The following TMEM117 variants were observed in gnomAD, a reference collection of about 807,000 sequenced individuals.
The protein encoded by TMEM117 is transmembrane protein 117.
A neutral mutation model predicts 52.4 loss-of-function variants in TMEM117; 27 were observed. The ratio of observed to expected loss-of-function variants is 0.51; its 90% CI spans 0.38 to 0.71. TMEM117 has a LOEUF of 0.71. Among genes scored for constraint, TMEM117 ranks in the 30% least tolerant of loss-of-function variants. The pLI, the probability that TMEM117 is intolerant of heterozygous loss-of-function variation, is 0.00. For synonymous variants in TMEM117, 215 were observed against 206.3 expected, an observed-to-expected ratio of 1.04 and a Z score of -0.36; for missense variants, 556 against 630.5, an observed-to-expected ratio of 0.88 and a Z score of 1.26.
At chr12:44,003,649 C>G (rs1592431233) in intron 3 of TMEM117, among the ~76,000 whole-genome samples, 1 of 152,310 alleles carries the variant, frequency 6.6e-6, no homozygotes, top group East Asian at 1.9e-4. Flanking sequence ...GTCCATTTCT[C>G]TAGTCCCTGA....
the TMEM117 span, among the ~76,000 whole-genome samples, chr12:43,822,637 CTA>C: frequency 6.6e-6 from 1 of 152,176 alleles, no homozygotes; most frequent in Admixed American, 6.5e-5. Flanking sequence ...TTACCTGTCT[CTA>C]TTATTTTTCT....
chr12:44,371,155 C>T (rs779953928), intron 6 of TMEM117, among the ~76,000 whole-genome samples: 1 of 152,276 alleles, frequency 6.6e-6, no homozygotes, highest in South Asian at 2.1e-4. Flanking sequence ...TGCTCACTGT[C>T]ATCTGAAATT....
intron 2 of TMEM117, among the ~76,000 whole-genome samples, chr12:43,901,274 A>G (rs1160495911): frequency 2.0e-5 from 3 of 151,992 alleles, no homozygotes; most frequent in Non-Finnish European, 4.4e-5. Flanking sequence ...TTTCAACAAT[A>G]GATCATTCAT....
At chr12:44,000,092 C>G in intron 3 of TMEM117, among the ~76,000 whole-genome samples, 1 of 152,164 alleles carries the variant, frequency 6.6e-6, no homozygotes, top group East Asian at 1.9e-4. Flanking sequence ...ATTTGCTATG[C>G]AGGATTTCCT....
chr12:43,936,456 C>T (rs1275975112), intron 2 of TMEM117, among the ~76,000 whole-genome samples: 4 of 151,968 alleles, frequency 2.6e-5, no homozygotes, highest in Non-Finnish European at 5.9e-5. Flanking sequence ...AGCTGACTTC[C>T]AGTGTGAAGC....
chr12:44,385,119 A>G (rs1952071638), intron 7 of TMEM117, among the ~76,000 whole-genome samples: 3 of 152,180 alleles, frequency 2.0e-5, no homozygotes, highest in Non-Finnish European at 4.4e-5. Context: ...ATATGCTTTA[A>G]GTTCAGTGTT....
chr12:44,189,964 A>C (rs1464018080), intron 4 of TMEM117, among the ~76,000 whole-genome samples: 2 of 152,228 alleles, frequency 1.3e-5, no homozygotes, highest in African/African-American at 4.8e-5. Flanking sequence ...CAGAAGGTTC[A>C]CAGGCCTATG....
At chr12:43,924,742 A>G (rs764820155) in intron 2 of TMEM117, among the ~76,000 whole-genome samples, 50 of 152,284 alleles carry the variant, frequency 3.3e-4, no homozygotes, top group Admixed American at 8.5e-4. Context: ...ATTCATTTTC[A>G]GAATAATTAT....
intron 3 of TMEM117, among the ~76,000 whole-genome samples, chr12:44,069,846 A>G (rs1947274788): frequency 6.6e-6 from 1 of 152,188 alleles, no homozygotes; most frequent in East Asian, 1.9e-4. Context: ...CAGCCTTTCC[A>G]TGATGAAATC....
chr12:43,919,263 C>T (rs1944654111), intron 2 of TMEM117, among the ~76,000 whole-genome samples: 1 of 152,206 alleles, frequency 6.6e-6, no homozygotes, highest in Non-Finnish European at 1.5e-5. Context: ...AGTTGTTTAA[C>T]TGGAACTTTA....
chr12:44,383,585 G>T (rs2138866457), intron 7 of TMEM117, among the ~76,000 whole-genome samples: 1 of 152,248 alleles, frequency 6.6e-6, no homozygotes, highest in East Asian at 1.9e-4. Context: ...AGAATGTATG[G>T]ATTCTTACCC....
intron 6 of TMEM117, among the ~76,000 whole-genome samples, chr12:44,356,923 C>T (rs1233684604): frequency 6.6e-6 from 1 of 152,064 alleles, no homozygotes; most frequent in Non-Finnish European, 1.5e-5. Flanking sequence ...ATTTAATTTG[C>T]TCTTCATAAT....
chr12:44,097,385 A>G (rs186022461), intron 3 of TMEM117, among the ~76,000 whole-genome samples: 12 of 150,332 alleles, frequency 8.0e-5, no homozygotes, highest in Non-Finnish European at 1.5e-4. Flanking sequence ...AAAGGACTAT[A>G]AATCATGCTG....
chr12:44,034,964 GC>G (rs1212794311), intron 3 of TMEM117, among the ~76,000 whole-genome samples: 1 of 152,192 alleles, frequency 6.6e-6, no homozygotes, highest in Non-Finnish European at 1.5e-5. Flanking sequence ...TGCCCCTGTT[GC>G]TTCTCGCCTT....
intron 3 of TMEM117, among the ~76,000 whole-genome samples, chr12:44,066,227 T>A (rs922204782): frequency 4.6e-5 from 7 of 152,286 alleles, no homozygotes; most frequent in Admixed American, 4.6e-4. Flanking sequence ...GGGCTGAACT[T>A]AAAATAGGTA....
intron 3 of TMEM117, among the ~76,000 whole-genome samples, chr12:44,102,452 C>T (rs539848302): frequency 6.6e-6 from 1 of 151,818 alleles, no homozygotes; most frequent in Non-Finnish European, 1.5e-5. Flanking sequence ...CTTTCATTCT[C>T]TGTCTCTCTC....
chr12:43,880,575 G>A (rs1276728647), intron 2 of TMEM117, among the ~76,000 whole-genome samples: 2 of 152,130 alleles, frequency 1.3e-5, no homozygotes, highest in African/African-American at 4.8e-5. Flanking sequence ...GTCCGGTTTT[G>A]CCCAGCATCA....
At chr12:44,034,250 C>G (rs1946677661) in intron 3 of TMEM117, among the ~76,000 whole-genome samples, 1 of 152,108 alleles carries the variant, frequency 6.6e-6, no homozygotes, top group Non-Finnish European at 1.5e-5. Flanking sequence ...AACAAACATC[C>G]TTTTATATTA....
intron 3 of TMEM117, among the ~76,000 whole-genome samples, chr12:44,087,379 C>T (rs1947587842): frequency 6.6e-6 from 1 of 151,968 alleles, no homozygotes; most frequent in African/African-American, 2.4e-5. Flanking sequence ...TCAGTAAGCA[C>T]CTTAGTTGAT....
Sources: allele counts gnomAD v4.1 joint callset (sites outside exome capture counted in the v4.1 genomes callset), GRCh38; gene constraint gnomAD v4.1.1; transcripts MANE v1.5; gene names NCBI Gene and HGNC (gene_info 2026-07-23, HGNC 2026-07-21).